The following LSAMP variants were observed in gnomAD, a reference collection of about 807,000 sequenced individuals.
The protein encoded by LSAMP is limbic system associated membrane protein.
Under a neutral mutation model 38.6 loss-of-function variants are expected in LSAMP, and 7 were observed. That is an observed-to-expected ratio of 0.18 (90% CI 0.10 to 0.34). The LOEUF (loss-of-function observed/expected upper bound fraction) is 0.34. LSAMP is among the 10% of genes least tolerant of loss of function. LSAMP has a pLI of 1.00. For synonymous variants in LSAMP, 154 were observed against 166.8 expected (o/e 0.92, Z 0.59); for missense variants, 313 against 420.0 (o/e 0.75, Z 2.23).
At chr3:116,437,340 AATC>A (rs2049367509) in intron 1 of LSAMP, among the ~76,000 whole-genome samples, 1 of 152,042 alleles carries the variant, frequency 6.6e-6, no homozygotes, top group African/African-American at 2.4e-5. Context: ...GGATCTCACA[AATC>A]ACCACTAAAG....
At chr3:116,229,926 G>T (rs1455803543) in intron 1 of LSAMP, among the ~76,000 whole-genome samples, 1 of 152,116 alleles carries the variant, frequency 6.6e-6, no homozygotes, top group Non-Finnish European at 1.5e-5. Context: ...TAAGGAGATG[G>T]GGTGGTGGGT....
chr3:116,390,130 T>TACACACACACACACAC (rs749911876), intron 1 of LSAMP, among the ~76,000 whole-genome samples: 6 of 131,552 alleles, frequency 4.6e-5, no homozygotes, highest in South Asian at 2.2e-4. Context: ...TGTATGTATG[T>TACACACACACACACAC]ATACACACAC....
chr3:115,823,511 A>T (rs1934313809), intron 6 of LSAMP, among the ~76,000 whole-genome samples: 1 of 152,250 alleles, frequency 6.6e-6, no homozygotes, highest in Non-Finnish European at 1.5e-5. Flanking sequence ...ATCTCTAAGG[A>T]GAGGGATTAC....
chr3:115,834,188 A>G (rs1485062862), intron 6 of LSAMP, among the ~76,000 whole-genome samples: 2 of 152,164 alleles, frequency 1.3e-5, no homozygotes, highest in East Asian at 1.9e-4. Context: ...TAAACTTCCA[A>G]CTGTGAGGGT....
At chr3:116,059,116 T>A (rs1941547077) in intron 2 of LSAMP, among the ~76,000 whole-genome samples, 1 of 152,198 alleles carries the variant, frequency 6.6e-6, no homozygotes, top group Admixed American at 6.5e-5. Context: ...CTCCAGAGAT[T>A]AAAATTTCTA....
intron 3 of LSAMP, among the ~76,000 whole-genome samples, chr3:116,014,539 T>C (rs1411455319): frequency 6.6e-6 from 1 of 152,192 alleles, no homozygotes; most frequent in Admixed American, 6.5e-5. Context: ...ATAGAATAAA[T>C]TGAGTCATTA....
intron 1 of LSAMP, among the ~76,000 whole-genome samples, chr3:116,090,210 TA>T (rs11328666): frequency 0.16 from 20,367 of 126,494 alleles, 1,466 homozygotes; most frequent in Non-Finnish European, 0.19. Flanking sequence ...AGACCTTGTC[TA>T]AAAAAAAAAA....
At chr3:116,313,474 C>T (rs1274629171) in intron 1 of LSAMP, among the ~76,000 whole-genome samples, 2 of 152,182 alleles carry the variant, frequency 1.3e-5, no homozygotes, top group Admixed American at 1.3e-4. Flanking sequence ...CAGTTCTGCC[C>T]TCTCAATAAT....
intron 3 of LSAMP, among the ~76,000 whole-genome samples, chr3:115,931,910 A>G (rs1265343306): frequency 6.6e-6 from 1 of 152,216 alleles, no homozygotes; most frequent in Non-Finnish European, 1.5e-5. Flanking sequence ...TTCAAAATAT[A>G]TAAGCCCAAC....
At chr3:115,899,074 A>G (rs1381814678) in intron 3 of LSAMP, among the ~76,000 whole-genome samples, 2 of 152,022 alleles carry the variant, frequency 1.3e-5, no homozygotes, top group East Asian at 3.9e-4. Context: ...GAAATCATGG[A>G]AAAGGATAAA....
chr3:115,962,705 A>C (rs1212282867), intron 3 of LSAMP, among the ~76,000 whole-genome samples: 1 of 152,218 alleles, frequency 6.6e-6, no homozygotes, highest in Non-Finnish European at 1.5e-5. Flanking sequence ...TGCCAAAGTG[A>C]GTAGAAAAGG....
chr3:116,034,487 T>C (rs886838442), intron 2 of LSAMP, among the ~76,000 whole-genome samples: 1 of 152,122 alleles, frequency 6.6e-6, no homozygotes, highest in Non-Finnish European at 1.5e-5. Flanking sequence ...CATAGGGTGT[T>C]TTATTTCCAA....
intron 1 of LSAMP, among the ~76,000 whole-genome samples, chr3:116,328,487 G>A (rs1415791879): frequency 6.6e-6 from 1 of 152,094 alleles, no homozygotes; most frequent in South Asian, 2.1e-4. Flanking sequence ...AACATTACAG[G>A]TAATATATTT....
At chr3:116,203,661 T>G (rs1376952182) in intron 1 of LSAMP, among the ~76,000 whole-genome samples, 1 of 151,234 alleles carries the variant, frequency 6.6e-6, no homozygotes, top group African/African-American at 2.4e-5. Context: ...TTGGTTTTTT[T>G]GTTCTTGCGA....
Position 116,428,728 on chromosome 3 carries a change from C to G in LSAMP, c.155+16149G>C, listed in dbSNP as rs147644459. 4.7e-4 allele frequency among the ~76,000 whole-genome samples: 72 copies of G among 152,246 alleles called. 1 individual carries two copies. The highest frequency in any genetic ancestry group is 1.5e-3 in the African/African-American group (61 of 41,536). On this transcript the variant is annotated intron_variant, in intron 1 of 6. Coordinates refer to ENST00000490035, the MANE Select transcript of LSAMP (RefSeq NM_002338.5). ...CTCTTGGGACTAAAATTGAGTGAAA[C>G]TGTACTTTATTTTCAAGAAATGAAC...
intron 3 of LSAMP, among the ~76,000 whole-genome samples, chr3:115,981,546 C>T (rs1386287270): frequency 6.6e-6 from 1 of 152,104 alleles, no homozygotes. Context: ...TACCTGAATG[C>T]TGCCTTTCAT....
chr3:115,867,497 ACATTATC>A (rs1935895587), intron 3 of LSAMP, among the ~76,000 whole-genome samples: 1 of 152,096 alleles, frequency 6.6e-6, no homozygotes, highest in South Asian at 2.1e-4. Context: ...CTCTCAGGGA[ACATTATC>A]TGACCCGCTG....
At chr3:115,914,433 C>T (rs1431943382) in intron 3 of LSAMP, among the ~76,000 whole-genome samples, 4 of 152,172 alleles carry the variant, frequency 2.6e-5, no homozygotes, top group Non-Finnish European at 5.9e-5. Flanking sequence ...CAAGAATCCC[C>T]CTATCGTTGG....
intron 1 of LSAMP, among the ~76,000 whole-genome samples, chr3:116,131,564 A>G (rs991777547): frequency 6.6e-6 from 1 of 152,170 alleles, no homozygotes; most frequent in Admixed American, 6.5e-5. Flanking sequence ...CTGACCATGT[A>G]TAGAGAGTCT....
Sources: gnomAD v4.1 joint callset for allele counts (sites outside exome capture counted in the v4.1 genomes callset) on GRCh38, gnomAD v4.1.1 for gene constraint, MANE v1.5 for transcripts, NCBI Gene and HGNC (gene_info 2026-07-23, HGNC 2026-07-21) for gene names.